HMGA1: variants seen among roughly 807,000 people sequenced by gnomAD.
HMGA1 encodes high mobility group protein HMG-I/HMG-Y.
In HMGA1, 1 loss-of-function variant was observed where a neutral mutation model predicts 15.1. The observed-to-expected ratio is 0.07, with a 90% CI of 0.02 to 0.31. The LOEUF (loss-of-function observed/expected upper bound fraction) is 0.31. HMGA1 is among the 10% of genes least tolerant of loss of function. HMGA1 has a pLI of 1.00. For missense variants in HMGA1, 94 were observed against 141.4 expected, an observed-to-expected ratio of 0.66 and a Z score of 1.70; for synonymous variants, 56 against 54.8, an observed-to-expected ratio of 1.02 and a Z score of -0.10.
chr6:34,239,715 TC>T (rs1268561750), intron 2 of HMGA1, among the ~76,000 whole-genome samples: 2 of 152,176 alleles, frequency 1.3e-5, no homozygotes, highest in African/African-American at 4.8e-5. Flanking sequence ...TGGAGGACTG[TC>T]CTTTTTAAGC....
chr6:34,242,195 G>T (rs1046259630), intron 3 of HMGA1, among the ~76,000 whole-genome samples: 3 of 152,208 alleles, frequency 2.0e-5, no homozygotes, highest in Non-Finnish European at 4.4e-5. Context: ...TCTGGGGGCA[G>T]CCTGGATGGG....
intron 2 of HMGA1, among the ~76,000 whole-genome samples, chr6:34,239,474 T>C (rs1762118818): frequency 1.3e-5 from 2 of 152,166 alleles, no homozygotes; most frequent in Admixed American, 6.5e-5. Flanking sequence ...TCTATTATTT[T>C]AAGTTTTTCT....
chr6:34,237,166 G>C (rs1176109604), intron 1 of HMGA1, 38 bp from the exon 2 acceptor site: 1 of 100,552 alleles, frequency 9.9e-6, no homozygotes, highest in Non-Finnish European at 2.1e-5. Context: ...ACGCGGCGGC[G>C]GCGGTCTCTG....
chr6:34,238,897 G>A (rs781374098), intron 2 of HMGA1: 4 of 152,194 alleles, frequency 2.6e-5, no homozygotes, highest in African/African-American at 4.8e-5. Flanking sequence ...TGGGATTCCG[G>A]ACTGGCTTCG....
chr6:34,237,688 G>GGAGCTC (rs1554142051), intron 2 of HMGA1, among the ~76,000 whole-genome samples: 7 of 147,292 alleles, frequency 4.8e-5, no homozygotes, highest in Admixed American at 1.3e-4. Flanking sequence ...CGCTGGAGCC[G>GGAGCTC]GAGCCCGAGC....
rs573054265 is a variant in HMGA1, at chr6:34,244,505, C to T, written c.271-326C>T. ...CCCCAGCCACCTCTTCCCCCACCTCCTCTTCTCCCCTAGGGAGTCAGTCAC... is the reference window on the plus strand; with the variant it reads ...CCCCAGCCACCTCTTCCCCCACCTCTTCTTCTCCCCTAGGGAGTCAGTCAC... On this transcript the variant is annotated intron_variant, in intron 5 of 5. Transcript: ENST00000311487. 3.3e-3 allele frequency among the ~76,000 whole-genome samples: 495 copies of T among 152,286 alleles called. 3 individuals are homozygous for T. The highest frequency in any genetic ancestry group is 7.1e-3 in the African/African-American group (294 of 41,560).
chr6:34,244,760 T>TGG, intron 5 of HMGA1, 71 bp from the exon 6 acceptor site: 2 of 1,321,304 alleles, frequency 1.5e-6, no homozygotes, highest in South Asian at 1.3e-5. Flanking sequence ...AGGGAGCGGG[T>TGG]GGGGCCAGCC....
chr6:34,240,742 C>T lies in HMGA1; in HGVS notation c.-39C>T, dbSNP rs1160590750. 6.2e-7 allele frequency: 1 copy of T among 1,611,386 alleles called. No homozygotes were observed. The highest frequency in any genetic ancestry group is 8.5e-7 in the Non-Finnish European group (1 of 1,179,460). On this transcript the variant is annotated 5_prime_UTR_variant, in exon 3 of 6. Coordinates refer to ENST00000311487, the MANE Select transcript of HMGA1 (RefSeq NM_145899.3). ...AGCACTTTTCTGTCTCCCAGCATCCCAGCCATCACTCTTCCACCTGCTCCT... is the reference window on the plus strand; with the variant it reads ...AGCACTTTTCTGTCTCCCAGCATCCTAGCCATCACTCTTCCACCTGCTCCT...
chr6:34,239,154 CCTG>C (rs1163429432), intron 2 of HMGA1, among the ~76,000 whole-genome samples: 1 of 152,176 alleles, frequency 6.6e-6, no homozygotes, highest in Non-Finnish European at 1.5e-5. Flanking sequence ...TTACCAAAGT[CCTG>C]CTGTCTGGAG....
At position 34,245,467 on chromosome 6, in the gene HMGA1, A is replaced by G; in HGVS notation, c.*583A>G. On this transcript the variant is annotated 3_prime_UTR_variant, in exon 6 of 6. Transcript: ENST00000311487. ...TGTCACCACGTGGGGCTCACTTTTCATCCTTCCCCAACTTCCCTAGTCCCC... is the reference window on the plus strand; with the variant it reads ...TGTCACCACGTGGGGCTCACTTTTCGTCCTTCCCCAACTTCCCTAGTCCCC... 2 of 1,377,114 alleles carry G rather than the reference A, an allele frequency of 1.5e-6. No individual in the cohort carries two copies. The highest frequency in any genetic ancestry group is 1.9e-6 in the Non-Finnish European group (2 of 1,037,074). 85.3% of individuals were successfully genotyped at this position (1,377,114 alleles called of 1,614,324 possible). A position where few individuals can be genotyped will look rare whatever the true frequency, so the allele number is the denominator to read the frequency against.
chr6:34,237,648 G>A (rs970723010), intron 2 of HMGA1, among the ~76,000 whole-genome samples: 1 of 147,800 alleles, frequency 6.8e-6, no homozygotes, highest in Non-Finnish European at 1.5e-5. Flanking sequence ...GCCCGGAGGA[G>A]CCCGGCGCAC....
chr6:34,236,979 C>T lies in HMGA1; in HGVS notation c.-159+16C>T, dbSNP rs1353199441. Reference sequence around the variant, plus strand: ...CCAAGAAGGCGTGAGTTCGCGGCCGCTCCGGTGGCTTCTTTTTTTTATATC... The same window carrying T: ...CCAAGAAGGCGTGAGTTCGCGGCCGTTCCGGTGGCTTCTTTTTTTTATATC... On this transcript the variant is annotated intron_variant, in intron 1 of 5. Coordinates refer to ENST00000311487, the MANE Select transcript of HMGA1 (RefSeq NM_145899.3). 6.6e-6 allele frequency: 1 copy of T among 152,432 alleles called. No homozygotes were observed. Among genetic ancestry groups the T allele is most frequent in the Non-Finnish European group, 1.5e-5 (1 of 68,042 alleles). The allele number at this position is 152,432 out of a possible 1,614,324, so 9.4% of individuals were successfully genotyped here.
chr6:34,238,081 C>T (rs916019420), intron 2 of HMGA1, among the ~76,000 whole-genome samples: 1 of 152,222 alleles, frequency 6.6e-6, no homozygotes, highest in East Asian at 1.9e-4. Flanking sequence ...GGGGAGGGGA[C>T]GGAGGGAGGG....
chr6:34,238,243 G>T (rs924666615), intron 2 of HMGA1, among the ~76,000 whole-genome samples: 15 of 152,008 alleles, frequency 9.9e-5, no homozygotes, highest in African/African-American at 3.6e-4. Flanking sequence ...TGCAGGAGCG[G>T]CCTGCGCCCC....
At position 34,240,869 on chromosome 6, in the gene HMGA1, G is replaced by C; in HGVS notation, c.89G>C (p.Arg30Pro). The change falls in exon 3 of 6, where the codon CGC becomes CCC. Residue 30 changes from arginine to proline, a missense_variant. Physicochemically the swap from Arg to Pro is moderately radical, Grantham distance 103 (BLOSUM62 -2). Coordinates refer to ENST00000311487, the MANE Select transcript of HMGA1 (RefSeq NM_145899.3). The part of the protein sequence containing the change: ...GTEKRGRGRP[R>P]KQPPVSPGTA... ...GAGAAGCGGGGCCGGGGCAGGCCGC[G>C]CAAGCAGCCTCCGGTGAGTCCCGGG... is the stretch of plus-strand genomic sequence containing the variant. 1 of 1,613,656 alleles carries C rather than the reference G, an allele frequency of 6.2e-7. No homozygotes were observed.
intron 2 of HMGA1, among the ~76,000 whole-genome samples, chr6:34,239,528 T>TCAGG (rs1581794647): frequency 6.6e-6 from 1 of 152,344 alleles, no homozygotes. Context: ...AGGAGGTAGT[T>TCAGG]CAGGCAGGTA....
rs959437730 is a variant in HMGA1 at position 34,236,971 on chromosome 6, C to T, written c.-159+8C>T. ...GCGCGGCTCCAAGAAGGCGTGAGTT[C>T]GCGGCCGCTCCGGTGGCTTCTTTTT... On this transcript the variant is annotated splice_region_variant and intron_variant, in intron 1 of 5. Coordinates refer to ENST00000311487, the MANE Select transcript of HMGA1 (RefSeq NM_145899.3). 2 of 152,476 alleles carry T rather than the reference C, an allele frequency of 1.3e-5. No individual in the cohort carries two copies. Among genetic ancestry groups the T allele is most frequent in the African/African-American group, 4.8e-5 (2 of 41,460 alleles). 9.4% of individuals were successfully genotyped at this position (152,476 alleles called of 1,614,324 possible). A position where few individuals can be genotyped will look rare whatever the true frequency, so the allele number is the denominator to read the frequency against.
At chr6:34,244,681 C>A (rs373833939) in intron 5 of HMGA1, 150 bp from the exon 6 acceptor site, 1 of 711,886 alleles carries the variant, frequency 1.4e-6, no homozygotes. Flanking sequence ...GAAGCCGGGC[C>A]GTGGAGGTTG....
At chr6:34,239,502 G>T (rs1762122294) in intron 2 of HMGA1, among the ~76,000 whole-genome samples, 3 of 152,114 alleles carry the variant, frequency 2.0e-5, no homozygotes. Context: ...TACCTAGTTT[G>T]ATCCTTGAAG....
Sources: gnomAD v4.1 joint callset for allele counts (sites outside exome capture counted in the v4.1 genomes callset) on GRCh38, gnomAD v4.1.1 for gene constraint, MANE v1.5 for transcripts, NCBI Gene and HGNC (gene_info 2026-07-23, HGNC 2026-07-21) for gene names.